The following PCDH11X variants were observed in gnomAD, a reference collection of about 807,000 sequenced individuals.
PCDH11X encodes the protein protocadherin 11 X-linked.
In PCDH11X, 18 loss-of-function variants were observed where a neutral mutation model predicts 53.3. That is an observed-to-expected ratio of 0.34 (90% CI 0.23 to 0.50). PCDH11X has a LOEUF of 0.50. Ranked by LOEUF, PCDH11X falls within the 20% of genes least tolerant of loss-of-function variation. The pLI is 0.98. For missense variants in PCDH11X, 570 were observed against 1,032.4 expected, an observed-to-expected ratio of 0.55 and a Z score of 6.14; for synonymous variants, 279 against 393.3, an observed-to-expected ratio of 0.71 and a Z score of 3.44.
chrX:92,316,393 C>T (rs1474078958), intron 8 of PCDH11X, among the ~76,000 whole-genome samples: 4 of 109,359 alleles, frequency 3.7e-5, no homozygotes, highest in Non-Finnish European at 5.7e-5. Context: ...TTAAACAGTT[C>T]GTCAAAACTT....
chrX:92,074,510 A>C (rs1176488377), intron 6 of PCDH11X, among the ~76,000 whole-genome samples: 1 of 112,156 alleles, frequency 8.9e-6, no homozygotes, highest in Non-Finnish European at 1.9e-5. Flanking sequence ...ATACTAGTGC[A>C]TCTTTAATAA....
intron 6 of PCDH11X, among the ~76,000 whole-genome samples, chrX:92,175,756 A>ACGTG (rs1556139811): frequency 1.4e-5 from 1 of 70,940 alleles, no homozygotes; most frequent in Non-Finnish European, 2.6e-5. Context: ...GTATACATAT[A>ACGTG]TGTGTGTGTG....
chrX:91,967,915 T>G (rs5984845), intron 6 of PCDH11X, among the ~76,000 whole-genome samples: 36,501 of 109,950 alleles, frequency 0.33, 4,499 homozygotes, highest in East Asian at 0.39. Context: ...AAAGGAAATA[T>G]TACTCTGATT....
chrX:92,379,209 G>A (rs1022785766), intron 8 of PCDH11X, among the ~76,000 whole-genome samples: 4 of 112,991 alleles, frequency 3.5e-5, no homozygotes, highest in Non-Finnish European at 7.5e-5. Context: ...TGCTCTTGGG[G>A]ACCCAGGAAG....
intron 5 of PCDH11X, among the ~76,000 whole-genome samples, chrX:91,856,811 A>T (rs1231261837): frequency 2.7e-5 from 3 of 111,725 alleles, no homozygotes; most frequent in African/African-American, 9.8e-5. Flanking sequence ...ATAGTATTCC[A>T]TTGTGTATAT....
chrX:92,209,624 A>C (rs940684101), intron 7 of PCDH11X, among the ~76,000 whole-genome samples: 3 of 111,569 alleles, frequency 2.7e-5, no homozygotes. Context: ...CTAGGTGCAC[A>C]GGGCAAACTT....
chrX:92,339,672 A>G (rs2148513730), intron 8 of PCDH11X, among the ~76,000 whole-genome samples: 1 of 109,088 alleles, frequency 9.2e-6, no homozygotes, highest in African/African-American at 3.3e-5. Flanking sequence ...TATTGTGAGG[A>G]CAGAATCAAG....
At chrX:92,413,346 AG>A in intron 9 of PCDH11X, among the ~76,000 whole-genome samples, 1 of 51,323 alleles carries the variant, frequency 1.9e-5, no homozygotes, top group Middle Eastern at 7.1e-3. Context: ...GTTATTGATA[AG>A]GCCATCAAAG....
intron 6 of PCDH11X, among the ~76,000 whole-genome samples, chrX:91,929,907 C>T (rs1348162232): frequency 1.8e-5 from 2 of 110,996 alleles, no homozygotes; most frequent in Admixed American, 9.6e-5. Context: ...AGATACTAGG[C>T]AGGCTCATAA....
intron 6 of PCDH11X, among the ~76,000 whole-genome samples, chrX:92,088,904 G>C (rs2064002913): frequency 1.8e-5 from 2 of 109,887 alleles, no homozygotes; most frequent in South Asian, 7.6e-4. Context: ...GTTATACTCA[G>C]GTAGCATAAA....
intron 6 of PCDH11X, among the ~76,000 whole-genome samples, chrX:92,151,627 A>G (rs1280388997): frequency 1.9e-5 from 2 of 107,652 alleles, no homozygotes; most frequent in Non-Finnish European, 3.8e-5. Context: ...AATTAAAATT[A>G]TAATCTATCT....
intron 6 of PCDH11X, among the ~76,000 whole-genome samples, chrX:91,941,166 A>G (rs781001283): frequency 9.0e-6 from 1 of 111,178 alleles, no homozygotes; most frequent in South Asian, 3.7e-4. Context: ...CATAGGACAA[A>G]CAAAAAAACA....
chrX:91,938,715 T>G, intron 6 of PCDH11X, among the ~76,000 whole-genome samples: 1 of 110,976 alleles, frequency 9.0e-6, no homozygotes. Flanking sequence ...TGCCTGTTTC[T>G]ACTAGTCAGA....
intron 9 of PCDH11X, among the ~76,000 whole-genome samples, chrX:92,427,010 C>G (rs1240416471): frequency 1.8e-5 from 2 of 109,802 alleles, no homozygotes; most frequent in African/African-American, 6.6e-5. Flanking sequence ...GCATTATCTT[C>G]TTTCCTCTAT....
intron 6 of PCDH11X, among the ~76,000 whole-genome samples, chrX:92,011,509 C>A (rs1451821866): frequency 7.1e-5 from 8 of 112,209 alleles, no homozygotes; most frequent in African/African-American, 2.6e-4. Flanking sequence ...GGCAAATATT[C>A]CTGAAAGAAA....
chrX:92,200,470 G>C (rs1344813704), intron 6 of PCDH11X, among the ~76,000 whole-genome samples: 1 of 112,079 alleles, frequency 8.9e-6, no homozygotes, highest in East Asian at 2.8e-4. Context: ...ATATCAAAAA[G>C]ATACTTGCAC....
chrX:91,998,809 A>G (rs1375789863), intron 6 of PCDH11X, among the ~76,000 whole-genome samples: 1 of 111,750 alleles, frequency 8.9e-6, no homozygotes, highest in African/African-American at 3.2e-5. Flanking sequence ...TATTATCACT[A>G]TGCCGAATAC....
intron 9 of PCDH11X, among the ~76,000 whole-genome samples, chrX:92,448,773 G>A (rs2072714665): frequency 1.8e-5 from 2 of 110,444 alleles, no homozygotes; most frequent in South Asian, 7.9e-4. Flanking sequence ...GAGAATTTTG[G>A]GGAGTCCAAG....
chrX:92,131,483 G>A (rs1380765092), intron 6 of PCDH11X, among the ~76,000 whole-genome samples: 4 of 111,624 alleles, frequency 3.6e-5, no homozygotes, highest in African/African-American at 1.3e-4. Context: ...CCAATAAGGA[G>A]ATGCAGATGA....
Sources: gnomAD v4.1 joint callset for allele counts (sites outside exome capture counted in the v4.1 genomes callset) on GRCh38, gnomAD v4.1.1 for gene constraint, MANE v1.5 for transcripts, NCBI Gene and HGNC (gene_info 2026-07-23, HGNC 2026-07-21) for gene names.